ANKRD20A1: variants seen among roughly 807,000 people sequenced by gnomAD.
The protein encoded by ANKRD20A1 is ankyrin repeat domain 20 family member A1, also known as ankyrin repeat domain-containing protein 20A1.
In ANKRD20A1, 2 loss-of-function variants were observed where a neutral mutation model predicts 50.9. The observed-to-expected ratio is 0.04, with a 90% CI of 0.02 to 0.12. The LOEUF (loss-of-function observed/expected upper bound fraction) is 0.12. ANKRD20A1 is among the 10% of genes least tolerant of loss of function. ANKRD20A1 has a pLI of 1.00. For missense variants in ANKRD20A1, 31 were observed against 548.1 expected (o/e 0.06, Z 9.42); for synonymous variants, 10 against 186.2 (o/e 0.05, Z 7.70).
chr9:67,884,655 C>T (rs1827848129), intron 9 of ANKRD20A1, 85 bp downstream of exon 9: 2 of 921,072 alleles, frequency 2.2e-6, no homozygotes, highest in Non-Finnish European at 3.4e-6. Context: ...CTTTGGGAGG[C>T]CGAGGCGGGC....
chr9:67,871,582 A>G (rs1156273031), intron 6 of ANKRD20A1, among the ~76,000 whole-genome samples: 1 of 138,494 alleles, frequency 7.2e-6, no homozygotes, highest in Admixed American at 7.1e-5. Flanking sequence ...CATTATAACA[A>G]ATTGGACTTG....
At position 67,897,395 on chromosome 9, in the gene ANKRD20A1, CTTATAA is replaced by C. The variant is rs1203923647; in HGVS notation, c.1153-156_1153-151del. On this transcript the variant is annotated intron_variant, in intron 12 of 14. Coordinates refer to ENST00000562196, the MANE Select transcript of ANKRD20A1 (RefSeq NM_032250.5). The stretch of plus-strand genomic sequence containing the variant: ...AATTTCGATGATAAAATAAGAGTAT[CTTATAA>C]TTATAATAATTATGTATAATGATAA... 1.2e-4 allele frequency among the ~76,000 whole-genome samples: 18 copies of C among 147,362 alleles called. No individual in the cohort carries two copies. In the South Asian group the frequency reaches 1.3e-3, roughly 10 times the overall value.
intron 3 of ANKRD20A1, among the ~76,000 whole-genome samples, chr9:67,863,654 C>G (rs372559195): frequency 8.1e-5 from 3 of 37,234 alleles, no homozygotes; most frequent in East Asian, 5.2e-4. Context: ...TCTACACAGG[C>G]TTATTCTTTT....
chr9:67,881,197 T>A (rs1331014772), intron 8 of ANKRD20A1, among the ~76,000 whole-genome samples: 12 of 147,752 alleles, frequency 8.1e-5, no homozygotes. Flanking sequence ...GAAGATTGCT[T>A]GAACCCAGGA....
chr9:67,893,928 C>T (rs1827976731), intron 12 of ANKRD20A1, among the ~76,000 whole-genome samples: 1 of 152,302 alleles, frequency 6.6e-6, no homozygotes, highest in Non-Finnish European at 1.5e-5. Flanking sequence ...TCATCATTGC[C>T]AGTGGTTCAA....
chr9:67,876,448 G>GGT (rs1460627244), intron 6 of ANKRD20A1, among the ~76,000 whole-genome samples: 2 of 143,712 alleles, frequency 1.4e-5, no homozygotes, highest in African/African-American at 5.2e-5. Flanking sequence ...ACACCTCCCT[G>GGT]GTGTTTCTTC....
chr9:67,881,422 A>G (rs1827793068), intron 8 of ANKRD20A1, among the ~76,000 whole-genome samples: 2 of 150,428 alleles, frequency 1.3e-5, no homozygotes, highest in Non-Finnish European at 3.0e-5. Flanking sequence ...GACTCTTAAT[A>G]CCAATGGATG....
chr9:67,871,617 A>AT (rs1311747225), intron 6 of ANKRD20A1, among the ~76,000 whole-genome samples: 1 of 136,958 alleles, frequency 7.3e-6, no homozygotes, highest in African/African-American at 2.7e-5. Context: ...CTTCGATTTC[A>AT]TTTTTATAAT....
At chr9:67,872,948 C>A (rs1257693890) in intron 6 of ANKRD20A1, among the ~76,000 whole-genome samples, 14 of 141,648 alleles carry the variant, frequency 9.9e-5, no homozygotes, top group African/African-American at 3.4e-4. Context: ...TGGCTCACTG[C>A]AACTTCTGCT....
intron 8 of ANKRD20A1, among the ~76,000 whole-genome samples, chr9:67,884,004 C>CA (rs1362264344): frequency 2.8e-5 from 2 of 72,392 alleles, no homozygotes; most frequent in African/African-American, 7.2e-5. Flanking sequence ...AGGCTGGTCT[C>CA]AAACTCCTGA....
chr9:67,882,949 C>T (rs1475366672), intron 8 of ANKRD20A1, among the ~76,000 whole-genome samples: 2 of 151,284 alleles, frequency 1.3e-5, no homozygotes, highest in African/African-American at 4.8e-5. Context: ...ATCCATGTCC[C>T]TACAAAGGAC....
At chr9:67,884,898 C>T (rs1463505771) in intron 9 of ANKRD20A1, among the ~76,000 whole-genome samples, 1 of 148,972 alleles carries the variant, frequency 6.7e-6, no homozygotes. Context: ...TCAGAAAAAA[C>T]AAAACAAAAA....
At chr9:67,872,650 C>T (rs1435336812) in intron 6 of ANKRD20A1, among the ~76,000 whole-genome samples, 1 of 139,058 alleles carries the variant, frequency 7.2e-6, no homozygotes, top group African/African-American at 2.7e-5. Flanking sequence ...TCCAGTTATA[C>T]AATTTACTTG....
chr9:67,860,498 C>T lies in ANKRD20A1; in HGVS notation c.203+869C>T, dbSNP rs1260387242. 4.3e-5 allele frequency: 2 copies of T among 46,016 alleles called. 1 individual carries two copies. The highest frequency in any genetic ancestry group is 2.5e-4 in the African/African-American group (2 of 7,894). 2.9% of individuals were successfully genotyped at this position (46,016 alleles called of 1,614,324 possible). A position where few individuals can be genotyped will look rare whatever the true frequency, so the allele number is the denominator to read the frequency against. Reference sequence around the variant, plus strand: ...AATTCTTTCAAATCAAATCATCAAACACTCTAAAAGTGGGCAAAGTACCTT... The same window carrying T: ...AATTCTTTCAAATCAAATCATCAAATACTCTAAAAGTGGGCAAAGTACCTT... On this transcript the variant is annotated intron_variant, in intron 1 of 14. Coordinates refer to ENST00000562196, the MANE Select transcript of ANKRD20A1 (RefSeq NM_032250.5).
Position 67,900,637 on chromosome 9 carries a change from A to ACATTAACAT in ANKRD20A1, c.1642_1643insCATTAACAT (p.Ile548delinsThrLeuThrPhe), listed in dbSNP as rs1376996505. 1 of 1,051,364 alleles carries ACATTAACAT rather than the reference A, an allele frequency of 9.5e-7. No homozygotes were observed. The highest frequency in any genetic ancestry group is 1.7e-5 in the African/African-American group (1 of 57,494). 65.1% of individuals were successfully genotyped at this position (1,051,364 alleles called of 1,614,324 possible). On this transcript the variant is annotated protein_altering_variant, in exon 15 of 15. Transcript: ENST00000562196. ...AAATAAATATCTTAAGGACATTAAA[A>ACATTAACAT]TTGTTAAAGAAACAAATGCTGCCCT... is the stretch of plus-strand genomic sequence containing the variant.
chr9:67,881,729 A>G (rs1171420851), intron 8 of ANKRD20A1, among the ~76,000 whole-genome samples: 2 of 151,580 alleles, frequency 1.3e-5, no homozygotes, highest in African/African-American at 4.8e-5. Context: ...CGGGAGGCGG[A>G]GGTTGCAGTG....
intron 3 of ANKRD20A1, among the ~76,000 whole-genome samples, chr9:67,866,348 A>G (rs1827570892): frequency 6.6e-6 from 1 of 151,962 alleles, no homozygotes; most frequent in African/African-American, 2.4e-5. Flanking sequence ...ATTTGTTCTT[A>G]AGTTTTTTAA....
At position 67,884,537 on chromosome 9, in the gene ANKRD20A1, A is replaced by G; in HGVS notation, c.946A>G (p.Lys316Glu). Residue 316 changes from lysine (K) to glutamate (E), a missense_variant, in exon 9 of 15, where the codon AAA (lysine) becomes GAA (glutamate). Coordinates refer to ENST00000562196, the MANE Select transcript of ANKRD20A1 (RefSeq NM_032250.5). ...SEPLPGSSHE[K>E]GNRIVNGQGE... is the part of the protein sequence containing the mutation. ...GCCTTTACCTGGATCTTCGCATGAA[A>G]AAGGAAACAGAATAGTCAATGGACA... 6.3e-7 allele frequency: 1 copy of G among 1,591,804 alleles called. No individual in the cohort carries two copies. The highest frequency in any genetic ancestry group is 8.5e-7 in the Non-Finnish European group (1 of 1,178,426).
At chr9:67,880,954 A>C (rs1827783973) in intron 8 of ANKRD20A1, among the ~76,000 whole-genome samples, 1 of 100,504 alleles carries the variant, frequency 9.9e-6, no homozygotes, top group African/African-American at 3.1e-5. Context: ...AATTATTTGC[A>C]GTAATCATGG....
Sources: gnomAD v4.1 joint callset for allele counts (sites outside exome capture counted in the v4.1 genomes callset) on GRCh38, gnomAD v4.1.1 for gene constraint, MANE v1.5 for transcripts, NCBI Gene and HGNC (gene_info 2026-07-23, HGNC 2026-07-21) for gene names.